The following IMMP2L variants were observed in gnomAD, a reference collection of about 807,000 sequenced individuals.
The protein encoded by IMMP2L is mitochondrial inner membrane protease subunit 2.
A neutral mutation model predicts 19.3 loss-of-function variants in IMMP2L; 18 were observed. The observed-to-expected ratio is 0.93, with a 90% CI of 0.64 to 1.38. The LOEUF is 1.38. Among genes scored for constraint, IMMP2L ranks in the 40% most tolerant of loss-of-function variants. The probability of loss-of-function intolerance (pLI) is 0.00; values close to 1 mark genes in which losing one functional copy is unlikely to be tolerated. For missense variants in IMMP2L, 233 were observed against 218.2 expected, an observed-to-expected ratio of 1.07 and a Z score of -0.43; for synonymous variants, 76 against 73.0, an observed-to-expected ratio of 1.04 and a Z score of -0.21.
chr7:110,721,911 G>A (rs1418140903), intron 5 of IMMP2L, among the ~76,000 whole-genome samples: 2 of 152,024 alleles, frequency 1.3e-5, no homozygotes, highest in Non-Finnish European at 2.9e-5. Context: ...GAGGAACAAA[G>A]TTGTAAACAA....
At chr7:111,265,622 A>G (rs1817749097) in intron 3 of IMMP2L, among the ~76,000 whole-genome samples, 1 of 152,164 alleles carries the variant, frequency 6.6e-6, no homozygotes, top group Non-Finnish European at 1.5e-5. Flanking sequence ...TCCTAAAAGA[A>G]AACACAATGT....
intron 3 of IMMP2L, among the ~76,000 whole-genome samples, chr7:111,351,826 T>C (rs983580460): frequency 1.1e-4 from 17 of 152,294 alleles, no homozygotes; most frequent in Admixed American, 2.6e-4. Context: ...ATATATCCAA[T>C]GCATATCACT....
chr7:111,108,216 G>A (rs951378837), intron 3 of IMMP2L, among the ~76,000 whole-genome samples: 1 of 152,244 alleles, frequency 6.6e-6, no homozygotes, highest in Non-Finnish European at 1.5e-5. Flanking sequence ...CTGGCCTGCA[G>A]CCACATCAAA....
In IMMP2L at chr7:110,825,968, A is replaced by G. The variant is rs143707247; in HGVS notation, c.408+60625T>C. On this transcript the variant is annotated intron_variant, in intron 5 of 5. Coordinates refer to ENST00000405709, the MANE Select transcript of IMMP2L (RefSeq NM_032549.4). ...CAAAGGGCTTATATCCAGAATCTAG[A>G]AAGTACTCAAACAAATTTACAAGAA... Among the ~76,000 whole-genome samples the G allele has an allele frequency of 3.9e-3, 595 of 152,316 alleles. 4 individuals are homozygous for G. The highest frequency in any genetic ancestry group is 0.014 in the African/African-American group (576 of 41,558).
intron 3 of IMMP2L, among the ~76,000 whole-genome samples, chr7:111,175,432 C>T (rs937677964): frequency 2.0e-4 from 31 of 151,808 alleles, no homozygotes; most frequent in Non-Finnish European, 2.2e-4. Context: ...GATATAAATA[C>T]AGTCCATTGT....
At chr7:111,193,741 T>C (rs1809159089) in intron 3 of IMMP2L, among the ~76,000 whole-genome samples, 3 of 152,154 alleles carry the variant, frequency 2.0e-5, no homozygotes, top group Admixed American at 1.3e-4. Context: ...CATATTTTAA[T>C]TGATATACCT....
chr7:111,420,940 TCAAATGGTAATTCTA>T (rs1835454949), intron 3 of IMMP2L, among the ~76,000 whole-genome samples: 1 of 151,840 alleles, frequency 6.6e-6, no homozygotes, highest in Non-Finnish European at 1.5e-5. Flanking sequence ...GACCGCTGGG[TCAAATGGTAATTCTA>T]GTTCTAGATC....
chr7:110,663,827 G>T, intron 5 of IMMP2L, 106 bp from the exon 6 acceptor site: 1 of 709,174 alleles, frequency 1.4e-6, no homozygotes, highest in Non-Finnish European at 2.2e-6. Flanking sequence ...ATCCCAGGGA[G>T]AAGTGATGAT....
At chr7:111,120,844 C>T (rs1041577303) in intron 3 of IMMP2L, among the ~76,000 whole-genome samples, 1 of 152,008 alleles carries the variant, frequency 6.6e-6, no homozygotes, top group Non-Finnish European at 1.5e-5. Context: ...AATCCTGTCT[C>T]CTGGGAACCT....
chr7:111,384,447 G>C (rs1050452226), intron 3 of IMMP2L, among the ~76,000 whole-genome samples: 1 of 152,050 alleles, frequency 6.6e-6, no homozygotes, highest in African/African-American at 2.4e-5. Context: ...CATTGTCAAG[G>C]TTGGTCCCCA....
Position 110,877,888 on chromosome 7 carries a change from A to G in IMMP2L, c.408+8705T>C, listed in dbSNP as rs909723679. 6.6e-6 allele frequency among the ~76,000 whole-genome samples: 1 copy of G among 152,148 alleles called. No homozygotes were observed. Among genetic ancestry groups the G allele is most frequent in the Non-Finnish European group, 1.5e-5 (1 of 68,024 alleles). The stretch of plus-strand genomic sequence containing the variant: ...TAAGGACCCAGACATATGTTTTTCC[A>G]TATATTTTATACTCTAAAAATAAAA... On this transcript the variant is annotated intron_variant, in intron 5 of 5. Coordinates refer to ENST00000405709, the MANE Select transcript of IMMP2L (RefSeq NM_032549.4). The surrounding 1 kb of genome is among the most constrained non-coding windows in gnomAD (Gnocchi z 4.0).
intron 3 of IMMP2L, among the ~76,000 whole-genome samples, chr7:111,368,070 A>C (rs1368120289): frequency 1.3e-5 from 2 of 151,884 alleles, no homozygotes; most frequent in African/African-American, 4.8e-5. Flanking sequence ...TTCTCAATCT[A>C]TACACACTAG....
rs561887583 is a variant in IMMP2L at position 111,045,363 on chromosome 7, T to A, written c.240-81798A>T. Among the ~76,000 whole-genome samples the A allele has an allele frequency of 4.6e-5, 7 of 152,336 alleles. No homozygotes were observed. In the East Asian group the frequency reaches 1.3e-3, roughly 29 times the overall value. Reference sequence around the variant, plus strand: ...AACCCTAGTCCAATATACTACCCTTTCTCATCTGGATTCTTCCAAAAGCCT... The same window carrying A: ...AACCCTAGTCCAATATACTACCCTTACTCATCTGGATTCTTCCAAAAGCCT... On this transcript the variant is annotated intron_variant, in intron 3 of 5. Transcript: ENST00000405709.
At chr7:111,314,069 C>T (rs1823794658) in intron 3 of IMMP2L, among the ~76,000 whole-genome samples, 3 of 152,080 alleles carry the variant, frequency 2.0e-5, no homozygotes, top group African/African-American at 7.2e-5. Context: ...CCTGAGGCCT[C>T]CCTAGAAGCA....
intron 3 of IMMP2L, among the ~76,000 whole-genome samples, chr7:111,331,117 T>A (rs112161955): frequency 6.6e-6 from 1 of 151,998 alleles, no homozygotes; most frequent in African/African-American, 2.4e-5. Context: ...GTTGAAGAAA[T>A]GTCTGCATTC....
chr7:111,338,408 C>T (rs1183989516), intron 3 of IMMP2L, among the ~76,000 whole-genome samples: 1 of 151,600 alleles, frequency 6.6e-6, no homozygotes, highest in Non-Finnish European at 1.5e-5. Flanking sequence ...CCCTGTCATT[C>T]TAGTTACAGT....
In IMMP2L at chr7:111,123,914, T is replaced by C. The variant is rs183113521; in HGVS notation, c.240-160349A>G. On this transcript the variant is annotated intron_variant, in intron 3 of 5. Coordinates refer to ENST00000405709, the MANE Select transcript of IMMP2L (RefSeq NM_032549.4). The surrounding 1 kb of genome is among the most constrained non-coding windows in gnomAD (Gnocchi z 6.4). Reference sequence around the variant, plus strand: ...GACTGTGTCATCCGTTGGATGAACATGAACAAAACCAACATTCGATTCATG... The same window carrying C: ...GACTGTGTCATCCGTTGGATGAACACGAACAAAACCAACATTCGATTCATG... 27 of 1,614,012 alleles carry C rather than the reference T, an allele frequency of 1.7e-5. No homozygotes were observed. The East Asian group carries it at 3.6e-4, about 21-fold the overall frequency.
chr7:110,802,301 T>A (rs935600468), intron 5 of IMMP2L, among the ~76,000 whole-genome samples: 3 of 149,738 alleles, frequency 2.0e-5, no homozygotes, highest in African/African-American at 7.4e-5. Context: ...ATTTTTCTTT[T>A]AAAGACAGTG....
At chr7:110,960,716 A>C (rs1818845630) in intron 4 of IMMP2L, among the ~76,000 whole-genome samples, 1 of 151,942 alleles carries the variant, frequency 6.6e-6, no homozygotes, top group South Asian at 2.1e-4. Flanking sequence ...ACATTCTATA[A>C]GAAATGATAG....
Sources: gnomAD v4.1 joint callset for allele counts (sites outside exome capture counted in the v4.1 genomes callset) on GRCh38, gnomAD v4.1.1 for gene constraint, Gnocchi (gnomAD v3.1) non-coding constraint, MANE v1.5 for transcripts, NCBI Gene and HGNC (gene_info 2026-07-23, HGNC 2026-07-21) for gene names.